Variants in TTN observed in about 807,000 individuals in gnomAD.
TTN encodes connectin.
TTN carries 1,525 observed loss-of-function variants against 3,223.0 expected under a neutral mutation model. The ratio of observed to expected loss-of-function variants is 0.47; its 90% CI spans 0.45 to 0.49. The LOEUF is 0.49. TTN is among the 20% of genes least tolerant of loss of function. The pLI, the probability that TTN is intolerant of heterozygous loss-of-function variation, is 0.00. For synonymous variants in TTN, 14,094 were observed against 15,161.0 expected (o/e 0.93, Z 5.17); for missense variants, 40,786 against 43,424.0 (o/e 0.94, Z 5.40).
rs778565859 is a variant in TTN, at chr2:178,702,532, C to G, written c.30355G>C (p.Glu10119Gln). 24 of 1,613,964 alleles carry G rather than the reference C, an allele frequency of 1.5e-5. No individual in the cohort carries two copies. In the Admixed American group the frequency reaches 3.7e-4, roughly 25 times the overall value. Residue 10119 changes from glutamate to glutamine, a missense_variant, in exon 107 of 363, where the codon GAG becomes CAG. By Grantham distance (29) the Glu-to-Gln change is conservative. Transcript: ENST00000589042. The part of the protein sequence containing the change: ...TWYKGPTELT[E>Q]SQKYNFRNDG... Reference sequence around the variant, plus strand: ...TTCCTGAAGTTGTATTTCTGGCTCTCTGTCAGTTCTGTTGGTCCTTTGTAC... The same window carrying G: ...TTCCTGAAGTTGTATTTCTGGCTCTGTGTCAGTTCTGTTGGTCCTTTGTAC...
rs794729468 is a variant in TTN at position 178,591,119 on chromosome 2, G to C, written c.60606C>G (p.Ser20202Arg). Residue 20202 changes from serine to arginine, a missense_variant, in exon 304 of 363, where the codon AGC becomes AGG. Coordinates refer to ENST00000589042, the MANE Select transcript of TTN (RefSeq NM_001267550.2). ...TCTCAACAATATAATTTATCACAGG[G>C]CTTCCTCCATCATCCTTAGGTGGCT... The part of the protein sequence containing the change: ...SWQPPKDDGG[S>R]PVINYIVEKQ... 3.1e-6 allele frequency: 5 copies of C among 1,613,034 alleles called. No homozygotes were observed. The African/African-American group carries it at 5.3e-5, about 17-fold the overall frequency.
chr2:178,711,479 T>G, intron 96 of TTN, 130 bp from the exon 97 acceptor site: 1 of 1,101,984 alleles, frequency 9.1e-7, no homozygotes, highest in African/African-American at 1.6e-5. Flanking sequence ...TCTCTTGAAT[T>G]AACTTGGAGA....
At chr2:178,701,017 AC>A in intron 111 of TTN, 102 bp downstream of exon 111, 2 of 941,458 alleles carry the variant, frequency 2.1e-6, no homozygotes, top group Non-Finnish European at 3.1e-6. Flanking sequence ...AGGCAATTCC[AC>A]CTCTTGACCA....
At position 178,601,900 on chromosome 2, in the gene TTN, G is replaced by A. The variant is rs1343753783; in HGVS notation, c.55284C>T (p.Asp18428=). 7 of 1,612,328 alleles carry A rather than the reference G, an allele frequency of 4.3e-6. No homozygotes were observed. The highest frequency in any genetic ancestry group is 1.7e-4 in the Middle Eastern group (1 of 6,048). Residue 18428 remains aspartate (D), a synonymous_variant, in exon 285 of 363, where the codon GAC becomes GAT. Coordinates refer to ENST00000589042, the MANE Select transcript of TTN (RefSeq NM_001267550.2). ...TTTTTACCTGTGCATCTTCGGGTAT[G>A]TCATGAACTCCATCCTATTAGAAAA... ...AKKAMKDGVH[D]IPEDAQLETA...
chr2:178,746,923 A>G, intron 47 of TTN: 1 of 1,613,530 alleles, frequency 6.2e-7, no homozygotes. Flanking sequence ...GCCATATTTC[A>G]TAAGCTGAAC....
In TTN at chr2:178,793,542, C is replaced by G. The variant is rs750359859; in HGVS notation, c.1399-1G>C. 1 of 1,613,676 alleles carries G rather than the reference C, an allele frequency of 6.2e-7. No individual in the cohort carries two copies. Among genetic ancestry groups the G allele is most frequent in the East Asian group, 2.2e-5 (1 of 44,868 alleles). On this transcript the variant is annotated splice_acceptor_variant, in intron 8 of 362. Transcript: ENST00000589042. LOFTEE classifies it high-confidence loss of function. ...CAGTCTTCTCCGCTTCCTTTCTTACCTGCTTTTCATAGAGAAAGGAAGAAA... is the reference window on the plus strand; with the variant it reads ...CAGTCTTCTCCGCTTCCTTTCTTACGTGCTTTTCATAGAGAAAGGAAGAAA...
At chr2:178,596,972 C>G (rs965655992) in intron 294 of TTN, among the ~76,000 whole-genome samples, 2 of 151,934 alleles carry the variant, frequency 1.3e-5, no homozygotes, top group Non-Finnish European at 2.9e-5. Context: ...ATACTGAAAC[C>G]CTTCAAACAG....
At chr2:178,765,094 T>G (rs2090126767) in intron 41 of TTN, among the ~76,000 whole-genome samples, 2 of 152,204 alleles carry the variant, frequency 1.3e-5, no homozygotes, top group Admixed American at 1.3e-4. Flanking sequence ...TCCCAGTTTC[T>G]GTTTGTGGTG....
rs758579133 is a variant in TTN, at chr2:178,571,417, T to C, written c.74715A>G (p.Pro24905=). ...TGCCAGGAGGACCAGGAACTTTGAA[T>C]GGATATTGGGCTACAGTAGGCTCTG... The part of the protein sequence containing the change: ...LNSEPTVAQY[P]FKVPGPPGTP... Residue 24905 remains proline, a synonymous_variant, in exon 326 of 363, where the codon CCA becomes CCG. Transcript: ENST00000589042. The C allele has an allele frequency of 6.2e-7, 1 of 1,613,450 alleles. No homozygotes were observed. The highest frequency in any genetic ancestry group is 8.5e-7 in the Non-Finnish European group (1 of 1,179,580).
intron 75 of TTN, 50 bp from the exon 76 acceptor site, chr2:178,722,987 G>A (rs777768034): frequency 1.1e-5 from 18 of 1,595,714 alleles, no homozygotes; most frequent in Non-Finnish European, 1.4e-5. Flanking sequence ...GAATATCAAA[G>A]AAACTATGCT....
chr2:178,642,432 G>A (rs1576825426), intron 218 of TTN, 115 bp from the exon 219 acceptor site: 3 of 820,272 alleles, frequency 3.7e-6, no homozygotes, highest in Admixed American at 2.9e-5. Context: ...AACAATTTTC[G>A]CTGCATATAA....
chr2:178,769,384 G>C (rs1483817987), intron 37 of TTN, among the ~76,000 whole-genome samples: 1 of 151,934 alleles, frequency 6.6e-6, no homozygotes, highest in Non-Finnish European at 1.5e-5. Flanking sequence ...CTCCTGAGTA[G>C]CTGGGACTAC....
chr2:178,667,416 C>T, intron 161 of TTN, 26 bp downstream of exon 161: 1 of 1,587,212 alleles, frequency 6.3e-7, no homozygotes, highest in Non-Finnish European at 8.6e-7. Flanking sequence ...AGATACTCAT[C>T]TGGGTTTGAT....
chr2:178,689,745 G>C, intron 122 of TTN, 68 bp downstream of exon 122: 1 of 1,503,752 alleles, frequency 6.7e-7, no homozygotes, highest in South Asian at 1.2e-5. Flanking sequence ...TCAATGAACA[G>C]ATAATTAAAC....
Position 178,607,114 on chromosome 2 carries a change from C to T in TTN, c.53488G>A (p.Gly17830Arg), listed in dbSNP as rs759231562. The T allele has an allele frequency of 3.7e-6, 6 of 1,612,734 alleles. No homozygotes were observed. Among genetic ancestry groups the T allele is most frequent in the Non-Finnish European group, 5.1e-6 (6 of 1,179,206 alleles). ...ATAACACGGAACTTATATTCTTGTC[C>T]CTCAAGCAGACCTGTGATGTCACAT... ...SKCDITGLLE[G>R]QEYKFRVIAK... Residue 17830 changes from glycine to arginine, a missense_variant, in exon 278 of 363, where the codon GGA becomes AGA. Physicochemically the swap from Gly to Arg is moderately radical, Grantham distance 125. Transcript: ENST00000589042.
At position 178,579,935 on chromosome 2, in the gene TTN, T is replaced by A; in HGVS notation, c.67348+4A>T. 1.2e-6 allele frequency: 2 copies of A among 1,613,024 alleles called. No homozygotes were observed. Among genetic ancestry groups the A allele is most frequent in the Non-Finnish European group, 1.7e-6 (2 of 1,179,438 alleles). On this transcript the variant is annotated splice_donor_region_variant and intron_variant, in intron 318 of 362. Coordinates refer to ENST00000589042, the MANE Select transcript of TTN (RefSeq NM_001267550.2). The stretch of plus-strand genomic sequence containing the variant: ...AATGATGGGATGATGGTTCATTTGC[T>A]TACGGGAAGCTTTGACAGCATCACG...
Position 178,657,906 on chromosome 2 carries a change from T to TGGCAGGTGGGGCAG in TTN, c.37847_37848insCTGCCCCACCTGCC (p.Lys12617CysfsTer335). ...CTGTGGCAGGTGGGGCTTCTGGTTT[T>TGGCAGGTGGGGCAG]GTGGGAGGAGCCTTAGGAACTTTCT... is the stretch of plus-strand genomic sequence containing the variant. On this transcript the variant is annotated frameshift_variant, in exon 187 of 363. Transcript: ENST00000589042. LOFTEE classifies it high-confidence loss of function. 9.0e-7 allele frequency: 1 copy of TGGCAGGTGGGGCAG among 1,105,524 alleles called. No individual in the cohort carries two copies. The highest frequency in any genetic ancestry group is 1.2e-6 in the Non-Finnish European group (1 of 836,084). 68.5% of individuals were successfully genotyped at this position (1,105,524 alleles called of 1,614,324 possible). A position where few individuals can be genotyped will look rare whatever the true frequency, so the allele number is the denominator to read the frequency against.
rs972261760 is a variant in TTN at position 178,645,353 on chromosome 2, CTTT to C, written c.40408+564_40408+566del. Among the ~76,000 whole-genome samples, 9 of 151,858 alleles carry C rather than the reference CTTT, an allele frequency of 5.9e-5. No homozygotes were observed. In the East Asian group the frequency reaches 7.8e-4, roughly 13 times the overall value. ...CCCCTGAGAACCACACAGAACACTT[CTTT>C]AAGTTGCAAGAAAAAAAAAGAGATG... On this transcript the variant is annotated intron_variant, in intron 217 of 362. Coordinates refer to ENST00000589042, the MANE Select transcript of TTN (RefSeq NM_001267550.2).
chr2:178,569,414 C>T lies in TTN; in HGVS notation c.76718G>A (p.Arg25573Gln), dbSNP rs760052770. The change falls in exon 326 of 363, where the codon CGA becomes CAA. Residue 25573 changes from arginine (R) to glutamine (Q), a missense_variant. Coordinates refer to ENST00000589042, the MANE Select transcript of TTN (RefSeq NM_001267550.2). Reference sequence around the variant, plus strand: ...AAGCGTATATTTTCCACTATCATATCGGTTGACATTGTCAAGAACAAGAGA... The same window carrying T: ...AAGCGTATATTTTCCACTATCATATTGGTTGACATTGTCAAGAACAAGAGA... ...FTSLVLDNVN[R>Q]YDSGKYTLTL... The T allele has an allele frequency of 1.9e-5, 30 of 1,613,186 alleles. No individual in the cohort carries two copies. In the East Asian group the frequency reaches 3.6e-4, roughly 19 times the overall value.
Sources: allele counts gnomAD v4.1 joint callset (sites outside exome capture counted in the v4.1 genomes callset), GRCh38; gene constraint gnomAD v4.1.1; transcripts MANE v1.5; gene names NCBI Gene and HGNC (gene_info 2026-07-23, HGNC 2026-07-21).